The following POTEF variants were observed in gnomAD, a reference collection of about 807,000 sequenced individuals.
The protein encoded by POTEF is ANKRD26-like family C member 1B.
In POTEF, 20 loss-of-function variants were observed where a neutral mutation model predicts 83.2. The ratio of observed to expected loss-of-function variants is 0.24; its 90% confidence interval spans 0.17 to 0.35. The LOEUF is 0.35. POTEF is among the 10% of genes least tolerant of loss of function. The pLI is 1.00. For synonymous variants in POTEF, 196 were observed against 446.4 expected (o/e 0.44, Z 7.07); for missense variants, 550 against 1,203.2 (o/e 0.46, Z 8.03).
Position 130,075,563 on chromosome 2 carries a change from T to C in POTEF, c.1909A>G (p.Ser637Gly). Residue 637 changes from serine to glycine, a missense_variant, in exon 17 of 17, where the codon AGT (serine) becomes GGT (glycine). By Grantham distance (56) the Ser-to-Gly change is moderately conservative (BLOSUM62 0). Transcript: ENST00000409914. ...AAGATGTCTTTTTCTTTCTTACAAC[T>C]AAGAGAAAGCTAAGTAAACAAAGAG... ...VEKMNSELSL[S>G]CKKEKDILHE... The C allele has an allele frequency of 6.2e-7, 1 of 1,609,962 alleles. No individual in the cohort carries two copies. The highest frequency in any genetic ancestry group is 8.5e-7 in the Non-Finnish European group (1 of 1,179,334).
chr2:130,122,385 T>A (rs1470813450), intron 2 of POTEF, among the ~76,000 whole-genome samples: 1 of 147,300 alleles, frequency 6.8e-6, no homozygotes, highest in East Asian at 2.0e-4. Flanking sequence ...TTTTTCTGCA[T>A]GTGGCTTGCC....
At chr2:130,076,235 C>T (rs1470500701) in intron 16 of POTEF, among the ~76,000 whole-genome samples, 1 of 129,358 alleles carries the variant, frequency 7.7e-6, no homozygotes, top group African/African-American at 3.0e-5. Flanking sequence ...TTTAAGATCG[C>T]GATTCTTAAA....
chr2:130,118,418 C>G (rs1218726907), intron 3 of POTEF, among the ~76,000 whole-genome samples: 1 of 150,762 alleles, frequency 6.6e-6, no homozygotes, highest in Non-Finnish European at 1.5e-5. Flanking sequence ...CAAATATGGC[C>G]AGGCACAGTG....
intron 15 of POTEF, among the ~76,000 whole-genome samples, chr2:130,083,424 A>G (rs1408273088): frequency 1.3e-5 from 2 of 150,802 alleles, no homozygotes; most frequent in Non-Finnish European, 3.0e-5. Flanking sequence ...AGCAGCAAGC[A>G]AAACAGACCA....
chr2:130,105,209 T>C (rs1442147950), intron 8 of POTEF, among the ~76,000 whole-genome samples: 16 of 149,992 alleles, frequency 1.1e-4, no homozygotes, highest in Non-Finnish European at 1.0e-4. Flanking sequence ...ATTTACAAAA[T>C]GGCTTTTATT....
intron 3 of POTEF, among the ~76,000 whole-genome samples, chr2:130,117,947 T>C (rs973779013): frequency 3.6e-5 from 5 of 140,014 alleles, no homozygotes; most frequent in African/African-American, 1.4e-4. Context: ...TTTTTTTTTC[T>C]TTTTTTTTTT....
rs749287025 is a variant in POTEF at position 130,120,093 on chromosome 2, G to C, written c.423C>G (p.Asp141Glu). 3 of 1,603,888 alleles carry C rather than the reference G, an allele frequency of 1.9e-6. No individual in the cohort carries two copies. The highest frequency in any genetic ancestry group is 1.7e-6 in the Non-Finnish European group (2 of 1,178,352). ...CCCACCAGGCAGCTCTGTGGAGCTT[G>C]TCCAGATCTTCTCCACGGACGTGGT... is the stretch of plus-strand genomic sequence containing the variant. ...PRYHVRGEDL[D>E]KLHRAAWWGK... Residue 141 changes from aspartate (D) to glutamate (E), a missense_variant, in exon 3 of 17, where the codon GAC (aspartate) becomes GAG (glutamate). Transcript: ENST00000409914.
At chr2:130,127,959 C>T (rs1685139977) in intron 1 of POTEF, 95 bp from the exon 2 acceptor site, 1 of 117,570 alleles carries the variant, frequency 8.5e-6, no homozygotes, top group African/African-American at 3.6e-5. Context: ...GGCACTCAGA[C>T]CCACCCACCG....
chr2:130,120,138 A>T lies in POTEF; in HGVS notation c.378T>A (p.Ser126Arg), dbSNP rs756360146. Residue 126 changes from serine (S) to arginine (R), a missense_variant, in exon 3 of 17, where the codon AGT (serine) becomes AGA (arginine). By Grantham distance (110) the Ser-to-Arg change is moderately radical. Coordinates refer to ENST00000409914, the MANE Select transcript of POTEF (RefSeq NM_001099771.2). ...KVGAWGDYDDSAFMEPRYHVR... is the reference protein window; with the variant it reads ...KVGAWGDYDDRAFMEPRYHVR... ...CGTGGTACCTGGGCTCCATGAAGGC[A>T]CTGTCATCGTAGTCTCCCCAAGCGC... 5.6e-6 allele frequency: 9 copies of T among 1,608,502 alleles called. No homozygotes were observed. Among genetic ancestry groups the T allele is most frequent in the Middle Eastern group, 2.1e-4 (1 of 4,816 alleles).
chr2:130,120,261 G>A lies in POTEF; in HGVS notation c.255C>T (p.Asp85=), dbSNP rs545568293. The A allele has an allele frequency of 1.9e-6, 3 of 1,597,868 alleles. No individual in the cohort carries two copies. The highest frequency in any genetic ancestry group is 3.6e-5 in the Admixed American group (2 of 56,242). ...SGKSNVGASG[D]HDDSAMKTLR... ...GTGTCTTCATAGCAGAGTCGTCGTGGTCTCCAGAAGCGCCCACGTTGCTCT... is the reference window on the plus strand; with the variant it reads ...GTGTCTTCATAGCAGAGTCGTCGTGATCTCCAGAAGCGCCCACGTTGCTCT... The change falls in exon 3 of 17, where the codon GAC becomes GAT. Residue 85 remains aspartate (D), a synonymous_variant. Coordinates refer to ENST00000409914, the MANE Select transcript of POTEF (RefSeq NM_001099771.2).
intron 8 of POTEF, among the ~76,000 whole-genome samples, chr2:130,103,043 A>G (rs1254737508): frequency 6.6e-6 from 1 of 150,500 alleles, no homozygotes; most frequent in Non-Finnish European, 1.5e-5. Context: ...ATGTCTTCCC[A>G]ATATCTAAAA....
intron 2 of POTEF, among the ~76,000 whole-genome samples, chr2:130,127,450 T>C (rs1336731800): frequency 2.7e-5 from 4 of 148,358 alleles, no homozygotes; most frequent in East Asian, 2.0e-4. Context: ...CCTCCAGAGA[T>C]TGCAAGAGAA....
At chr2:130,120,651 C>G (rs1684976866) in intron 2 of POTEF, 43 bp from the exon 3 acceptor site, 1 of 1,523,708 alleles carries the variant, frequency 6.6e-7, no homozygotes, top group African/African-American at 1.4e-5. Flanking sequence ...ACCTGCCAAC[C>G]CCAGCAGGGG....
intron 15 of POTEF, among the ~76,000 whole-genome samples, 192 bp from the exon 16 acceptor site, chr2:130,077,393 A>G (rs1342284667): frequency 6.6e-6 from 1 of 152,262 alleles, no homozygotes; most frequent in Non-Finnish European, 1.5e-5. Flanking sequence ...TTTGTGGAAG[A>G]TAATTTTTCC....
Position 130,075,109 on chromosome 2 carries a change from T to A in POTEF, c.2363A>T (p.His788Leu), listed in dbSNP as rs1683749108. ...CACACGCAGCTCGTTGTAGAAGGTG[T>A]GGTGCCAGATCTTCTCCATGTCATC... is the stretch of plus-strand genomic sequence containing the variant. ...NWDDMEKIWH[H>L]TFYNELRVAP... Residue 788 changes from histidine (H) to leucine (L), a missense_variant, in exon 17 of 17, where the codon CAC (histidine) becomes CTC (leucine). His to Leu is a moderately conservative substitution (Grantham distance 99). Transcript: ENST00000409914. 6.2e-7 allele frequency: 1 copy of A among 1,613,702 alleles called. No individual in the cohort carries two copies.
At chr2:130,126,783 CTTG>C (rs1199970308) in intron 2 of POTEF, among the ~76,000 whole-genome samples, 4 of 151,888 alleles carry the variant, frequency 2.6e-5, no homozygotes, top group Non-Finnish European at 4.4e-5. Context: ...ACAATTTTGG[CTTG>C]TTGTTTGTTA....
chr2:130,121,122 G>GAA (rs1558896926), intron 2 of POTEF, among the ~76,000 whole-genome samples: 2 of 151,630 alleles, frequency 1.3e-5, no homozygotes, highest in South Asian at 2.1e-4. Flanking sequence ...GTGTGCGCGC[G>GAA]GCGTGCGCGT....
At chr2:130,076,160 G>A (rs1177869529) in intron 16 of POTEF, among the ~76,000 whole-genome samples, 1 of 94,904 alleles carries the variant, frequency 1.1e-5, no homozygotes, top group African/African-American at 4.3e-5. Context: ...AATAAGCACT[G>A]TACCCTTCTA....
chr2:130,125,636 T>C (rs1685074723), intron 2 of POTEF, among the ~76,000 whole-genome samples: 1 of 151,960 alleles, frequency 6.6e-6, no homozygotes, highest in Admixed American at 6.6e-5. Flanking sequence ...TTGTTTTTGG[T>C]TGTGAATCTT....
Sources: allele counts gnomAD v4.1 joint callset (sites outside exome capture counted in the v4.1 genomes callset), GRCh38; gene constraint gnomAD v4.1.1; transcripts MANE v1.5; gene names NCBI Gene and HGNC (gene_info 2026-07-23, HGNC 2026-07-21).